Variants in GMDS observed in about 807,000 individuals in gnomAD.
The protein encoded by GMDS is GDP-mannose 4,6-dehydratase.
A neutral mutation model predicts 49.9 loss-of-function variants in GMDS; 20 were observed. The ratio of observed to expected loss-of-function variants is 0.40; its 90% CI spans 0.28 to 0.58. The LOEUF (loss-of-function observed/expected upper bound fraction) is 0.58, where lower values mean the gene tolerates loss of function less well. Ranked by LOEUF, GMDS falls within the 20% of genes least tolerant of loss-of-function variation. GMDS has a pLI of 0.42. For synonymous variants in GMDS, 177 were observed against 178.6 expected (o/e 0.99, Z 0.07); for missense variants, 362 against 481.4 (o/e 0.75, Z 2.32).
At chr6:2,243,893 C>T (rs1157948332) in intron 1 of GMDS, among the ~76,000 whole-genome samples, 1 of 107,922 alleles carries the variant, frequency 9.3e-6, no homozygotes, top group Middle Eastern at 0.012. Context: ...GGATCTCACT[C>T]TCTTGCCCCA....
At chr6:1,781,357 C>T (rs192589753) in intron 7 of GMDS, among the ~76,000 whole-genome samples, 22 of 152,284 alleles carry the variant, frequency 1.4e-4, no homozygotes, top group African/African-American at 4.6e-4. Flanking sequence ...GATTGCTGCC[C>T]GGCTCCTGGG....
chr6:2,215,648 G>C (rs548971327), intron 1 of GMDS, among the ~76,000 whole-genome samples: 1 of 152,142 alleles, frequency 6.6e-6, no homozygotes, highest in East Asian at 1.9e-4. Flanking sequence ...GAGAGAAAGA[G>C]ATGGGGAGGG....
chr6:2,120,364 A>G (rs1008795156), intron 2 of GMDS, among the ~76,000 whole-genome samples: 4 of 152,106 alleles, frequency 2.6e-5, no homozygotes, highest in Non-Finnish European at 5.9e-5. Flanking sequence ...TCAAAGTATA[A>G]AGGCTTCTGG....
chr6:1,792,890 T>C (rs1455015052), intron 7 of GMDS, among the ~76,000 whole-genome samples: 1 of 152,190 alleles, frequency 6.6e-6, no homozygotes, highest in Admixed American at 6.5e-5. Flanking sequence ...GGGTCTTTGT[T>C]CATCCACTGA....
At chr6:1,644,924 C>T (rs750301646) in intron 9 of GMDS, among the ~76,000 whole-genome samples, 4 of 148,208 alleles carry the variant, frequency 2.7e-5, no homozygotes, top group Admixed American at 6.7e-5. Context: ...GATTCAGACT[C>T]TGGTCCTTTT....
intron 1 of GMDS, among the ~76,000 whole-genome samples, chr6:2,130,249 C>T (rs1029608699): frequency 1.3e-5 from 2 of 152,206 alleles, no homozygotes; most frequent in African/African-American, 4.8e-5. Flanking sequence ...AATGAGGATA[C>T]CATCAATATT....
chr6:1,658,227 C>A (rs960997837), intron 9 of GMDS, among the ~76,000 whole-genome samples: 29 of 152,258 alleles, frequency 1.9e-4, no homozygotes, highest in African/African-American at 6.8e-4. Flanking sequence ...GATCTCTTCA[C>A]CGGGATTGGG....
At chr6:1,889,626 TA>T (rs1379597294) in intron 7 of GMDS, among the ~76,000 whole-genome samples, 1 of 152,148 alleles carries the variant, frequency 6.6e-6, no homozygotes, top group East Asian at 1.9e-4. Context: ...TTTTACTACT[TA>T]AAAAAATCTT....
At chr6:2,034,402 G>A (rs1403273152) in intron 4 of GMDS, among the ~76,000 whole-genome samples, 1 of 152,144 alleles carries the variant, frequency 6.6e-6, no homozygotes, top group Non-Finnish European at 1.5e-5. Flanking sequence ...TGGGGCGGTA[G>A]GAGAGAAAAG....
In GMDS at chr6:2,092,178, C is replaced by T. The variant is rs76633488; in HGVS notation, c.345+23593G>A. Among the ~76,000 whole-genome samples, 699 of 152,292 alleles carry T rather than the reference C, an allele frequency of 4.6e-3. 3 individuals carry two copies. The highest frequency in any genetic ancestry group is 0.016 in the African/African-American group (669 of 41,558). On this transcript the variant is annotated intron_variant, in intron 4 of 10. Transcript: ENST00000380815. The stretch of plus-strand genomic sequence containing the variant: ...TGTGGATGGAATGAACTGCTACGAC[C>T]GGTTAGTAGTAGTGAACTAAACTAC...
At chr6:1,887,371 C>T (rs1230076883) in intron 7 of GMDS, among the ~76,000 whole-genome samples, 1 of 152,056 alleles carries the variant, frequency 6.6e-6, no homozygotes, top group Non-Finnish European at 1.5e-5. Flanking sequence ...CTTTACAAAA[C>T]TGCAAGTTAT....
chr6:2,177,161 G>A (rs949649692), intron 1 of GMDS, among the ~76,000 whole-genome samples: 2 of 152,118 alleles, frequency 1.3e-5, no homozygotes, highest in East Asian at 3.8e-4. Context: ...AAACCACAGA[G>A]AGATTATGAA....
intron 9 of GMDS, among the ~76,000 whole-genome samples, chr6:1,634,460 T>C (rs2745611): frequency 0.51 from 76,902 of 152,090 alleles, 21,431 homozygotes; most frequent in East Asian, 0.8. Flanking sequence ...CTGAAACCTG[T>C]CTGTGTTTTG....
At chr6:1,914,145 T>C (rs1052473026) in intron 7 of GMDS, among the ~76,000 whole-genome samples, 2 of 147,660 alleles carry the variant, frequency 1.4e-5, no homozygotes, top group African/African-American at 5.0e-5. Context: ...TTTTTTTTTT[T>C]TTTTTTTTTT....
intron 9 of GMDS, among the ~76,000 whole-genome samples, chr6:1,681,964 G>T (rs1764807254): frequency 1.3e-5 from 2 of 151,996 alleles, no homozygotes; most frequent in African/African-American, 4.8e-5. Context: ...CAAAGTGTTG[G>T]GATTACAGGC....
chr6:2,165,429 G>A (rs942731610), intron 1 of GMDS, among the ~76,000 whole-genome samples: 1 of 152,222 alleles, frequency 6.6e-6, no homozygotes, highest in African/African-American at 2.4e-5. Flanking sequence ...TATCAGGCAG[G>A]AGAAATTCCC....
intron 7 of GMDS, among the ~76,000 whole-genome samples, chr6:1,928,516 G>T (rs1208227450): frequency 1.3e-5 from 2 of 152,146 alleles, no homozygotes; most frequent in Admixed American, 6.5e-5. Context: ...AGGTCATTTA[G>T]GTTAGACAAA....
intron 1 of GMDS, among the ~76,000 whole-genome samples, chr6:2,166,032 T>C (rs908601242): frequency 1.3e-5 from 2 of 151,930 alleles, no homozygotes; most frequent in African/African-American, 2.4e-5. Context: ...AAGACAAGTA[T>C]GGAAACAGAC....
chr6:1,909,568 T>C (rs1760944895), intron 7 of GMDS, among the ~76,000 whole-genome samples: 2 of 152,156 alleles, frequency 1.3e-5, no homozygotes, highest in Non-Finnish European at 2.9e-5. Context: ...TCTTGTGTGG[T>C]TGCTTTTCTC....
Sources: allele counts gnomAD v4.1 joint callset (sites outside exome capture counted in the v4.1 genomes callset), GRCh38; gene constraint gnomAD v4.1.1; transcripts MANE v1.5; gene names NCBI Gene and HGNC (gene_info 2026-07-23, HGNC 2026-07-21).